Variants in CAMK2D observed in about 807,000 individuals in gnomAD.
CAMK2D encodes calcium/calmodulin-dependent protein kinase type II subunit delta.
CAMK2D carries 37 observed loss-of-function variants against 84.0 expected under a neutral mutation model. That is an observed-to-expected ratio of 0.44 (90% CI 0.34 to 0.58). CAMK2D has a LOEUF of 0.58. Ranked by LOEUF, CAMK2D falls within the 20% of genes least tolerant of loss-of-function variation. The pLI is 0.02. For synonymous variants in CAMK2D, 202 were observed against 212.5 expected (o/e 0.95, Z 0.43); for missense variants, 448 against 652.5 (o/e 0.69, Z 3.41).
intron 3 of CAMK2D, among the ~76,000 whole-genome samples, chr4:113,634,548 A>G (rs1466461600): frequency 6.6e-6 from 1 of 152,230 alleles, no homozygotes; most frequent in Non-Finnish European, 1.5e-5. Flanking sequence ...TGGCAGTCAC[A>G]GGTCCAAGGA....
intron 1 of CAMK2D, among the ~76,000 whole-genome samples, chr4:113,759,845 A>T (rs1476416210): frequency 6.6e-6 from 1 of 152,240 alleles, no homozygotes; most frequent in African/African-American, 2.4e-5. Flanking sequence ...GATTATTTTC[A>T]TTAAAATATA....
Position 113,617,493 on chromosome 4 carries a change from G to A in CAMK2D, c.221-8287C>T, listed in dbSNP as rs115901537. Among the ~76,000 whole-genome samples the A allele has an allele frequency of 5.2e-3, 792 of 151,754 alleles. 9 individuals are homozygous for A. Among genetic ancestry groups the A allele is most frequent in the African/African-American group, 0.018 (764 of 41,376 alleles). ...AAAAAAAAAATCAAAAAAGAAGAGAGACATCTGTCGTGGTCTATCTTACTG... is the reference window on the plus strand; with the variant it reads ...AAAAAAAAAATCAAAAAAGAAGAGAAACATCTGTCGTGGTCTATCTTACTG... On this transcript the variant is annotated intron_variant, in intron 3 of 20. Coordinates refer to ENST00000511664, the MANE Select transcript of CAMK2D (RefSeq NM_001321571.2).
Position 113,494,714 on chromosome 4 carries a change from C to T in CAMK2D, c.1135+5749G>A, listed in dbSNP as rs557037684. On this transcript the variant is annotated intron_variant, in intron 16 of 20. Coordinates refer to ENST00000511664, the MANE Select transcript of CAMK2D (RefSeq NM_001321571.2). ...CTTTGTTTACCTAAGGAAGCCTGGG[C>T]AATGGCGGGCGCCCCTCCCCCAGCC... is the stretch of plus-strand genomic sequence containing the variant. Among the ~76,000 whole-genome samples, 1,085 of 152,330 alleles carry T rather than the reference C, an allele frequency of 7.1e-3. 23 individuals are homozygous for T. Among genetic ancestry groups the T allele is most frequent in the African/African-American group, 0.025 (1,039 of 41,568 alleles).
intron 3 of CAMK2D, among the ~76,000 whole-genome samples, chr4:113,628,593 T>G (rs2099077011): frequency 6.6e-6 from 1 of 152,100 alleles, no homozygotes; most frequent in Admixed American, 6.6e-5. Flanking sequence ...GGCATTAAAA[T>G]TATTCATCAT....
chr4:113,568,425 T>A (rs1167433745), intron 4 of CAMK2D, among the ~76,000 whole-genome samples: 2 of 152,238 alleles, frequency 1.3e-5, no homozygotes, highest in Non-Finnish European at 2.9e-5. Context: ...ATTTTTAAGC[T>A]GTGTAATATT....
In CAMK2D at chr4:113,476,951, A is replaced by G. The variant is rs372733347; in HGVS notation, c.1136-11347T>C. Among the ~76,000 whole-genome samples, 19 of 152,080 alleles carry G rather than the reference A, an allele frequency of 1.2e-4. No individual in the cohort carries two copies. The East Asian group carries it at 3.3e-3, about 26-fold the overall frequency. On this transcript the variant is annotated intron_variant, in intron 16 of 20. Transcript: ENST00000511664. Reference sequence around the variant, plus strand: ...TGACACACCTATGATTTCATTCCCAACCAATCAGCAGCACCCTTTCCCTAG... The same window carrying G: ...TGACACACCTATGATTTCATTCCCAGCCAATCAGCAGCACCCTTTCCCTAG...
chr4:113,576,879 T>C (rs1319454010), intron 4 of CAMK2D, among the ~76,000 whole-genome samples: 1 of 152,148 alleles, frequency 6.6e-6, no homozygotes, highest in Non-Finnish European at 1.5e-5. Flanking sequence ...CATTTCCCTA[T>C]TTTTGTTAAT....
intron 2 of CAMK2D, chr4:113,754,362 C>T (rs937572105): frequency 1.0e-6 from 1 of 982,200 alleles, no homozygotes; most frequent in Admixed American, 6.2e-5. Context: ...AATTAAAATT[C>T]TAGTTAACAA....
At chr4:113,653,598 CTT>C (rs1357195543) in intron 3 of CAMK2D, among the ~76,000 whole-genome samples, 3 of 152,004 alleles carry the variant, frequency 2.0e-5, no homozygotes, top group African/African-American at 7.2e-5. Context: ...TTGAAAAAGA[CTT>C]TTAATTGTCA....
At chr4:113,465,847 A>C (rs1241331769) in intron 16 of CAMK2D, among the ~76,000 whole-genome samples, 1 of 151,430 alleles carries the variant, frequency 6.6e-6, no homozygotes. Flanking sequence ...TTTTAACATG[A>C]CTCTCAGGTG....
intron 16 of CAMK2D, among the ~76,000 whole-genome samples, chr4:113,493,049 A>G (rs1264476270): frequency 7.8e-6 from 1 of 128,378 alleles, no homozygotes; most frequent in Non-Finnish European, 1.6e-5. Flanking sequence ...TGCACGTGAG[A>G]TGGGTTTCCT....
At chr4:113,487,704 C>A (rs897268345) in intron 16 of CAMK2D, among the ~76,000 whole-genome samples, 2 of 151,980 alleles carry the variant, frequency 1.3e-5, no homozygotes, top group African/African-American at 2.4e-5. Flanking sequence ...TTGGTGAACA[C>A]CATTTTTTCC....
intron 2 of CAMK2D, among the ~76,000 whole-genome samples, chr4:113,676,767 C>T (rs565451197): frequency 2.6e-5 from 4 of 152,222 alleles, no homozygotes; most frequent in South Asian, 4.1e-4. Flanking sequence ...CTGTACAGAC[C>T]TTGCTAAAAT....
intron 3 of CAMK2D, among the ~76,000 whole-genome samples, chr4:113,616,181 G>T (rs2099020225): frequency 1.3e-5 from 2 of 152,036 alleles, no homozygotes; most frequent in South Asian, 4.2e-4. Flanking sequence ...TAATAGGAAT[G>T]AAAATTAACT....
chr4:113,730,702 T>C (rs1383773948), intron 2 of CAMK2D, among the ~76,000 whole-genome samples: 1 of 152,240 alleles, frequency 6.6e-6, no homozygotes, highest in Non-Finnish European at 1.5e-5. Context: ...CACCTGGCTA[T>C]AGAAAAGAAT....
chr4:113,694,130 GGT>G (rs1335745285), intron 2 of CAMK2D, among the ~76,000 whole-genome samples: 1 of 151,982 alleles, frequency 6.6e-6, no homozygotes, highest in Non-Finnish European at 1.5e-5. Flanking sequence ...TTAATACAGG[GGT>G]GTAAGAAACA....
At chr4:113,669,594 G>A (rs1477589847) in intron 2 of CAMK2D, among the ~76,000 whole-genome samples, 3 of 152,162 alleles carry the variant, frequency 2.0e-5, no homozygotes, top group East Asian at 3.8e-4. Context: ...TGACATTAGC[G>A]ATCTCCCCTC....
intron 2 of CAMK2D, chr4:113,754,360 T>C (rs2099623689): frequency 3.9e-5 from 38 of 982,420 alleles, no homozygotes; most frequent in Non-Finnish European, 4.5e-5. Context: ...TAAATTAAAA[T>C]TCTAGTTAAC....
intron 4 of CAMK2D, among the ~76,000 whole-genome samples, chr4:113,575,105 G>A (rs902945328): frequency 6.6e-6 from 1 of 152,154 alleles, no homozygotes; most frequent in Non-Finnish European, 1.5e-5. Context: ...CCCCTCTGGA[G>A]AATGTAGGCT....
Sources: allele counts gnomAD v4.1 joint callset (sites outside exome capture counted in the v4.1 genomes callset), GRCh38; gene constraint gnomAD v4.1.1; transcripts MANE v1.5; gene names NCBI Gene and HGNC (gene_info 2026-07-23, HGNC 2026-07-21).